Variants in SDK1 observed in about 807,000 individuals in gnomAD.
The protein encoded by SDK1 is protein sidekick-1.
In SDK1, 157 loss-of-function variants were observed where a neutral mutation model predicts 245.5. The observed-to-expected ratio is 0.64, with a 90% confidence interval of 0.56 to 0.73. The LOEUF (loss-of-function observed/expected upper bound fraction) is 0.73. Among genes scored for constraint, SDK1 ranks in the 30% least tolerant of loss-of-function variants. The pLI, the probability that SDK1 is intolerant of heterozygous loss-of-function variation, is 0.00. For missense variants in SDK1, 3,583 were observed against 3,002.3 expected (o/e 1.19, Z -4.52); for synonymous variants, 1,647 against 1,278.5 (o/e 1.29, Z -6.15).
intron 1 of SDK1, among the ~76,000 whole-genome samples, chr7:3,417,527 C>G (rs1167814002): frequency 6.6e-6 from 1 of 152,200 alleles, no homozygotes; most frequent in African/African-American, 2.4e-5. Context: ...AGTACCTTCT[C>G]TGACCCCGTA....
intron 1 of SDK1, among the ~76,000 whole-genome samples, chr7:3,489,812 A>G (rs1781813023): frequency 6.6e-6 from 1 of 152,264 alleles, no homozygotes. Flanking sequence ...TACATGGTAA[A>G]TGCAGCAAGA....
intron 17 of SDK1, among the ~76,000 whole-genome samples, chr7:4,047,089 G>A (rs1335803298): frequency 6.6e-6 from 1 of 152,154 alleles, no homozygotes; most frequent in Non-Finnish European, 1.5e-5. Flanking sequence ...TGTTTTTAGA[G>A]CTTAAATGAG....
At chr7:3,476,868 G>C (rs1213264062) in intron 1 of SDK1, among the ~76,000 whole-genome samples, 1 of 152,116 alleles carries the variant, frequency 6.6e-6, no homozygotes, top group African/African-American at 2.4e-5. Flanking sequence ...TTAAGAGATG[G>C]GTGTATAACT....
chr7:3,788,434 G>A (rs1780975212), intron 4 of SDK1, among the ~76,000 whole-genome samples: 1 of 152,168 alleles, frequency 6.6e-6, no homozygotes. Flanking sequence ...GGTAGAACAA[G>A]TCTGTCTGTG....
chr7:3,346,837 T>A (rs1240760814), intron 1 of SDK1, among the ~76,000 whole-genome samples: 24 of 115,568 alleles, frequency 2.1e-4, no homozygotes, highest in African/African-American at 8.8e-4. Flanking sequence ...ATTTTTTTTT[T>A]TTTTTTTTTT....
intron 1 of SDK1, among the ~76,000 whole-genome samples, chr7:3,472,175 A>G (rs1562506845): frequency 6.6e-6 from 1 of 152,024 alleles, no homozygotes; most frequent in Non-Finnish European, 1.5e-5. Flanking sequence ...GGCTGAAGGG[A>G]TTGTAAATAT....
chr7:3,376,820 A>G (rs1781367428), intron 1 of SDK1, among the ~76,000 whole-genome samples: 2 of 152,276 alleles, frequency 1.3e-5, no homozygotes, highest in East Asian at 1.9e-4. Flanking sequence ...CCGAATTTCA[A>G]AAATGTCAAA....
intron 35 of SDK1, among the ~76,000 whole-genome samples, chr7:4,200,318 G>A (rs539028579): frequency 7.9e-5 from 12 of 152,362 alleles, no homozygotes; most frequent in South Asian, 2.1e-4. Flanking sequence ...GGCTGAGGCC[G>A]GCACCTTCCT....
intron 32 of SDK1, among the ~76,000 whole-genome samples, chr7:4,163,371 G>A (rs1422976082): frequency 1.3e-5 from 2 of 152,232 alleles, no homozygotes; most frequent in East Asian, 3.9e-4. Flanking sequence ...AAAATCAAGA[G>A]GGGAACAGTG....
intron 35 of SDK1, among the ~76,000 whole-genome samples, chr7:4,203,012 T>C (rs1434420328): frequency 6.6e-6 from 1 of 152,162 alleles, no homozygotes; most frequent in Non-Finnish European, 1.5e-5. Flanking sequence ...CAGCTGAAGC[T>C]CGCTGGCCAC....
chr7:3,679,875 C>A (rs373848178), intron 4 of SDK1, among the ~76,000 whole-genome samples: 1 of 152,196 alleles, frequency 6.6e-6, no homozygotes, highest in East Asian at 1.9e-4. Context: ...CATACGCTTA[C>A]CATATGACCC....
intron 1 of SDK1, among the ~76,000 whole-genome samples, chr7:3,529,515 G>A (rs970849943): frequency 6.6e-6 from 1 of 152,148 alleles, no homozygotes. Context: ...GATGGCGATG[G>A]ATATACATTA....
At chr7:3,530,306 C>G (rs539055672) in intron 1 of SDK1, among the ~76,000 whole-genome samples, 2 of 152,184 alleles carry the variant, frequency 1.3e-5, no homozygotes, top group African/African-American at 4.8e-5. Context: ...TCTGTGGTAT[C>G]CTTCACAGAT....
chr7:3,666,979 G>A (rs1783555442), intron 4 of SDK1, among the ~76,000 whole-genome samples: 1 of 151,934 alleles, frequency 6.6e-6, no homozygotes, highest in Admixed American at 6.6e-5. Context: ...TTTTTTTAAG[G>A]ACTTGTGTTT....
intron 1 of SDK1, among the ~76,000 whole-genome samples, chr7:3,452,601 C>G (rs1052548977): frequency 1.3e-5 from 2 of 152,166 alleles, no homozygotes; most frequent in Non-Finnish European, 2.9e-5. Context: ...ATATAAGGCA[C>G]TCTTGCTAAT....
At chr7:4,038,707 G>A (rs1788388838) in intron 17 of SDK1, among the ~76,000 whole-genome samples, 1 of 152,222 alleles carries the variant, frequency 6.6e-6, no homozygotes, top group Non-Finnish European at 1.5e-5. Flanking sequence ...GCTGTTAAAT[G>A]CAGGACATTG....
At chr7:3,893,573 T>C (rs1461876687) in intron 5 of SDK1, among the ~76,000 whole-genome samples, 3 of 151,996 alleles carry the variant, frequency 2.0e-5, no homozygotes, top group African/African-American at 7.3e-5. Flanking sequence ...TCCAGCATTC[T>C]GTAGATGTCA....
chr7:3,822,233 T>C (rs1779664018), intron 5 of SDK1, among the ~76,000 whole-genome samples: 1 of 152,226 alleles, frequency 6.6e-6, no homozygotes, highest in Admixed American at 6.5e-5. Flanking sequence ...TGAACTAATC[T>C]AGATTCAGAC....
intron 3 of SDK1, among the ~76,000 whole-genome samples, chr7:3,639,472 T>A (rs922597408): frequency 1.3e-5 from 2 of 152,188 alleles, no homozygotes; most frequent in Non-Finnish European, 2.9e-5. Context: ...TAGGTCAAAG[T>A]TCGTCATTGT....
Sources: allele counts gnomAD v4.1 joint callset (sites outside exome capture counted in the v4.1 genomes callset), GRCh38; gene constraint gnomAD v4.1.1; transcripts MANE v1.5; gene names NCBI Gene and HGNC (gene_info 2026-07-23, HGNC 2026-07-21).